Variants in LAMB2 observed in about 807,000 individuals in gnomAD.
LAMB2 encodes laminin subunit beta-2.
LAMB2 carries 119 observed loss-of-function variants against 202.7 expected under a neutral mutation model. The observed-to-expected ratio is 0.59, with a 90% CI of 0.51 to 0.68. The LOEUF (loss-of-function observed/expected upper bound fraction) is 0.68. Ranked by LOEUF, LAMB2 falls within the 30% of genes least tolerant of loss-of-function variation. The pLI, the probability that LAMB2 is intolerant of heterozygous loss-of-function variation, is 0.00. For missense variants in LAMB2, 2,124 were observed against 2,410.6 expected (o/e 0.88, Z 2.49); for synonymous variants, 818 against 902.2 (o/e 0.91, Z 1.67).
chr3:49,130,684 C>T lies in LAMB2; in HGVS notation c.1036+56G>A. 1 of 1,610,118 alleles carries T rather than the reference C, an allele frequency of 6.2e-7. No individual in the cohort carries two copies. Among genetic ancestry groups the T allele is most frequent in the Non-Finnish European group, 8.5e-7 (1 of 1,179,278 alleles). ...TGACCAACTAGCTCTAGGTTCTACCCAGGGCACAGCCAGGCTGCAGAGTGC... is the reference window on the plus strand; with the variant it reads ...TGACCAACTAGCTCTAGGTTCTACCTAGGGCACAGCCAGGCTGCAGAGTGC... On this transcript the variant is annotated intron_variant, in intron 8 of 31. Transcript: ENST00000305544. This position sits in a 1 kb window ranked among gnomAD's most constrained non-coding sequence, Gnocchi z 5.0.
In LAMB2 at chr3:49,123,870, G is replaced by C. The variant is rs773824078; in HGVS notation, c.3655C>G (p.Gln1219Glu). The C allele has an allele frequency of 8.7e-6, 14 of 1,613,448 alleles. No homozygotes were observed. The South Asian group carries it at 1.4e-4, about 16-fold the overall frequency. Residue 1219 changes from glutamine (Q) to glutamate (E), a missense_variant, in exon 24 of 32, where the codon CAA becomes GAA. This residue lies in a region of LAMB2 where 1,702 missense variants were observed against 1,896.3 expected (regional missense o/e 0.90). Transcript: ENST00000305544. Reference sequence around the variant, plus strand: ...AAGGCACCCAGCACACCCGTCTGTTGCAACTCCTGCGCCCGCTGCTCTAGG... The same window carrying C: ...AAGGCACCCAGCACACCCGTCTGTTCCAACTCCTGCGCCCGCTGCTCTAGG... The part of the protein sequence containing the change: ...QRLEQRAQEL[Q>E]QTGVLGAFES...
rs766351903 is a variant in LAMB2, at chr3:49,123,782, C to T, written c.3743G>A (p.Arg1248His). 16 of 1,613,328 alleles carry T rather than the reference C, an allele frequency of 9.9e-6. No homozygotes were observed. The highest frequency in any genetic ancestry group is 8.8e-5 in the South Asian group (8 of 91,084). ...LGIVQGIVGA[R>H]NTSAASTAQL... The stretch of plus-strand genomic sequence containing the variant: ...TGCAGTGGAGGCGGCTGAGGTGTTG[C>T]GGGCACCTACGATGCCCTGCACAAT... The change falls in exon 24 of 32, where the codon CGC becomes CAC. Residue 1248 changes from arginine to histidine, a missense_variant. Around this residue, in one of 3 missense-constraint regions of LAMB2, gnomAD observed 1,702 missense variants for 1,896.3 expected, o/e 0.90. Transcript: ENST00000305544.
Position 49,123,572 on chromosome 3 carries a change from ACAT to A in LAMB2, c.3854_3856del (p.Asp1285del). 6.2e-7 allele frequency: 1 copy of A among 1,614,208 alleles called. No individual in the cohort carries two copies. The highest frequency in any genetic ancestry group is 8.5e-7 in the Non-Finnish European group (1 of 1,180,044). The stretch of plus-strand genomic sequence containing the variant: ...GTTGGCATTGAAGTTCTCATCTTGC[ACAT>A]CTGTCAGGTCTGCCTCGAGCTGAGT... On this transcript the variant is annotated inframe_deletion, in exon 25 of 32. Coordinates refer to ENST00000305544, the MANE Select transcript of LAMB2 (RefSeq NM_002292.4).
rs1308318910 is a variant in LAMB2 at position 49,130,753 on chromosome 3, A to T, written c.1023T>A (p.Ser341Arg). The T allele has an allele frequency of 1.2e-6, 2 of 1,614,050 alleles. No homozygotes were observed. Among genetic ancestry groups the T allele is most frequent in the Non-Finnish European group, 1.7e-6 (2 of 1,180,018 alleles). The change falls in exon 8 of 32, where the codon AGT becomes AGA. Residue 341 changes from serine (S) to arginine (R), a missense_variant. By Grantham distance (110) the Ser-to-Arg change is moderately radical. This residue lies in a region of LAMB2 where 256 missense variants were observed against 356.1 expected (regional missense o/e 0.72). Transcript: ENST00000305544. This position sits in a 1 kb window ranked among gnomAD's most constrained non-coding sequence, Gnocchi z 5.0. ...LPWRPAEDGH[S>R]HACRKCECHG... ...GATCTCACTCACTCCTACAGGCATG[A>T]CTATGGCCGTCCTCAGCCGGACGCC...
chr3:49,122,797 C>T lies in LAMB2; in HGVS notation c.4480G>A (p.Ala1494Thr). ...ASEAQQRAQA[A>T]LDKANASRGQ... The stretch of plus-strand genomic sequence containing the variant: ...CTGGAAGCATTAGCCTTGTCCAGGG[C>T]TGCCTGGGCCCGCTGCTGTGCCTCG... The change falls in exon 27 of 32, where the codon GCC (alanine) becomes ACC (threonine). Residue 1494 changes from alanine (A) to threonine (T), a missense_variant. Transcript: ENST00000305544. 6.2e-7 allele frequency: 1 copy of T among 1,613,926 alleles called. No homozygotes were observed. Among genetic ancestry groups the T allele is most frequent in the Non-Finnish European group, 8.5e-7 (1 of 1,180,014 alleles).
Position 49,130,291 on chromosome 3 carries a change from A to T in LAMB2, c.1165T>A (p.Cys389Ser). The change falls in exon 9 of 32, where the codon TGT (cysteine) becomes AGT (serine). Residue 389 changes from cysteine to serine, a missense_variant. By Grantham distance (112) the Cys-to-Ser change is moderately radical. This residue lies in a region of LAMB2 where 1,702 missense variants were observed against 1,896.3 expected (regional missense o/e 0.90). Transcript: ENST00000305544. The surrounding 1 kb of genome is among the most constrained non-coding windows in gnomAD (Gnocchi z 5.0). ...GGGTCACGGTAGAAGAAGGGCCGACAGAGCTCACAGTGGCGCCCAGCTGTG... is the reference window on the plus strand; with the variant it reads ...GGGTCACGGTAGAAGAAGGGCCGACTGAGCTCACAGTGGCGCCCAGCTGTG... Reference protein sequence around the residue: ...HNTAGRHCELCRPFFYRDPTK... With the variant: ...HNTAGRHCELSRPFFYRDPTK... The T allele has an allele frequency of 6.2e-7, 1 of 1,614,224 alleles. No homozygotes were observed. Among genetic ancestry groups the T allele is most frequent in the South Asian group, 1.1e-5 (1 of 91,090 alleles).
At position 49,125,461 on chromosome 3, in the gene LAMB2, C is replaced by T; in HGVS notation, c.2512G>A (p.Ala838Thr). ...CQACQCSHEG[A>T]LSSLCEKTSG... ...GTCTTTTCACAGAGACTGCTGAGTG[C>T]CCCCTCGTGGCTGCACTGGCAGGCT... is the stretch of plus-strand genomic sequence containing the variant. Residue 838 changes from alanine (A) to threonine (T), a missense_variant, in exon 19 of 32, where the codon GCA (alanine) becomes ACA (threonine). Around this residue, in one of 3 missense-constraint regions of LAMB2, gnomAD observed 1,702 missense variants for 1,896.3 expected, o/e 0.90. Coordinates refer to ENST00000305544, the MANE Select transcript of LAMB2 (RefSeq NM_002292.4). The T allele has an allele frequency of 6.2e-7, 1 of 1,607,280 alleles. No homozygotes were observed. Among genetic ancestry groups the T allele is most frequent in the South Asian group, 1.1e-5 (1 of 90,422 alleles).
At position 49,123,363 on chromosome 3, in the gene LAMB2, G is replaced by T; in HGVS notation, c.3993C>A (p.Asp1331Glu). ...ACTGGCTATGGGCATGCCGGATGCT[G>T]TCATAGGCACCTAAATTGGGCAGAG... ...LKHSNFLGAYDSIRHAHSQSA... is the reference protein window; with the variant it reads ...LKHSNFLGAYESIRHAHSQSA... The change falls in exon 26 of 32, where the codon GAC becomes GAA. Residue 1331 changes from aspartate to glutamate, a missense_variant. Physicochemically the swap from Asp to Glu is conservative, Grantham distance 45. Around this residue, in one of 3 missense-constraint regions of LAMB2, gnomAD observed 1,702 missense variants for 1,896.3 expected, o/e 0.90. Coordinates refer to ENST00000305544, the MANE Select transcript of LAMB2 (RefSeq NM_002292.4). 1 of 1,614,030 alleles carries T rather than the reference G, an allele frequency of 6.2e-7. No individual in the cohort carries two copies. Among genetic ancestry groups the T allele is most frequent in the Non-Finnish European group, 8.5e-7 (1 of 1,180,016 alleles).
chr3:49,132,024 C>T lies in LAMB2; in HGVS notation c.459+92G>A. The T allele has an allele frequency of 3.2e-6, 4 of 1,253,432 alleles. No homozygotes were observed. The highest frequency in any genetic ancestry group is 1.5e-5 in the African/African-American group (1 of 67,940). The allele number at this position is 1,253,432 out of a possible 1,614,324, so 77.6% of individuals were successfully genotyped here. On this transcript the variant is annotated intron_variant, in intron 4 of 31. Transcript: ENST00000305544. The surrounding 1 kb of genome is among the most constrained non-coding windows in gnomAD (Gnocchi z 4.6). Reference sequence around the variant, plus strand: ...TGAAGGAGCCTCCTGCATCCATGCTCAAGGAGGCTGTGTTAAGGAGCTGAG... The same window carrying T: ...TGAAGGAGCCTCCTGCATCCATGCTTAAGGAGGCTGTGTTAAGGAGCTGAG...
chr3:49,132,902 C>T lies in LAMB2; in HGVS notation c.-35G>A, dbSNP rs757316654. The stretch of plus-strand genomic sequence containing the variant: ...GGGAACAGGGATAAGGGGAGGTGAA[C>T]GGTCTCGGGCCCGAGCCCTCCTCCT... On this transcript the variant is annotated 5_prime_UTR_variant, in exon 1 of 32. Coordinates refer to ENST00000305544, the MANE Select transcript of LAMB2 (RefSeq NM_002292.4). The surrounding 1 kb of genome is among the most constrained non-coding windows in gnomAD (Gnocchi z 4.6). 3 of 1,594,630 alleles carry T rather than the reference C, an allele frequency of 1.9e-6. No individual in the cohort carries two copies. The highest frequency in any genetic ancestry group is 2.6e-6 in the Non-Finnish European group (3 of 1,162,666).
chr3:49,132,694 A>G lies in LAMB2; in HGVS notation c.77-31T>C, dbSNP rs1575537830. The G allele has an allele frequency of 6.2e-7, 1 of 1,614,110 alleles. No homozygotes were observed. Reference sequence around the variant, plus strand: ...GACAGTAGCTCAGTCAGTTCCGCTGAGTTCCTATCCAGTGGCTCCACCTCA... The same window carrying G: ...GACAGTAGCTCAGTCAGTTCCGCTGGGTTCCTATCCAGTGGCTCCACCTCA... On this transcript the variant is annotated intron_variant, in intron 1 of 31. Coordinates refer to ENST00000305544, the MANE Select transcript of LAMB2 (RefSeq NM_002292.4). The surrounding 1 kb of genome is among the most constrained non-coding windows in gnomAD (Gnocchi z 4.6).
rs756114040 is a variant in LAMB2 at position 49,128,489 on chromosome 3, G to C, written c.1987C>G (p.Arg663Gly). Residue 663 changes from arginine to glycine, a missense_variant, in exon 15 of 32, where the codon CGC becomes GGC. Arg to Gly is a moderately radical substitution (Grantham distance 125). Transcript: ENST00000305544. The stretch of plus-strand genomic sequence containing the variant: ...TGTGGTTGCAGAGTCCCTTGGATGC[G>C]ATCATCCTTGGGCACCAAATGCCCA... ...LCGHLVPKDD[R>G]IQGTLQPHAR... 6.2e-7 allele frequency: 1 copy of C among 1,613,986 alleles called. No homozygotes were observed.
At position 49,128,704 on chromosome 3, in the gene LAMB2, G is replaced by C. The variant is rs779476385; in HGVS notation, c.1847C>G (p.Pro616Arg). The C allele has an allele frequency of 6.2e-7, 1 of 1,614,134 alleles. No homozygotes were observed. Among genetic ancestry groups the C allele is most frequent in the Non-Finnish European group, 8.5e-7 (1 of 1,180,028 alleles). ...CAGCAGGTCATAGTCCATAGCCTTCGGCACAGAGGCCACCAGGAACTCCAG... is the reference window on the plus strand; with the variant it reads ...CAGCAGGTCATAGTCCATAGCCTTCCGCACAGAGGCCACCAGGAACTCCAG... ...QTLEFLVASV[P>R]KAMDYDLLLR... is the part of the protein sequence containing the mutation. The change falls in exon 14 of 32, where the codon CCG becomes CGG. Residue 616 changes from proline to arginine, a missense_variant. Around this residue, in one of 3 missense-constraint regions of LAMB2, gnomAD observed 1,702 missense variants for 1,896.3 expected, o/e 0.90. Transcript: ENST00000305544.
Position 49,130,197 on chromosome 3 carries a change from A to G in LAMB2, c.1225+34T>C. The G allele has an allele frequency of 6.2e-7, 1 of 1,612,174 alleles. No homozygotes were observed. The highest frequency in any genetic ancestry group is 8.5e-7 in the Non-Finnish European group (1 of 1,179,004). ...GCTCTCTAGTTCCTGCCCCAGGCTC[A>G]GCTTTCTCTCCCCGTGCCCAATCCC... On this transcript the variant is annotated intron_variant, in intron 9 of 31. Coordinates refer to ENST00000305544, the MANE Select transcript of LAMB2 (RefSeq NM_002292.4). This position sits in a 1 kb window ranked among gnomAD's most constrained non-coding sequence, Gnocchi z 5.0.
At position 49,123,649 on chromosome 3, in the gene LAMB2, G is replaced by C. The variant is rs377738420; in HGVS notation, c.3798-18C>G. 7 of 1,613,998 alleles carry C rather than the reference G, an allele frequency of 4.3e-6. No homozygotes were observed. The highest frequency in any genetic ancestry group is 4.5e-5 in the East Asian group (2 of 44,880). On this transcript the variant is annotated intron_variant, in intron 24 of 31. Transcript: ENST00000305544. ...TTTCACGCCTGCAATGATGGAGAGGGGGGTGTTTAGAGAGGCTTCAGCCCT... is the reference window on the plus strand; with the variant it reads ...TTTCACGCCTGCAATGATGGAGAGGCGGGTGTTTAGAGAGGCTTCAGCCCT...
At position 49,124,834 on chromosome 3, in the gene LAMB2, A is replaced by G. The variant is rs1246892210; in HGVS notation, c.2976T>C (p.Ile992=). Residue 992 remains isoleucine, a synonymous_variant, in exon 21 of 32, where the codon ATT becomes ATC. Transcript: ENST00000305544. The part of the protein sequence containing the change: ...RCQLCECSGN[I]DPMDPDACDP... ...CACAGGCATCAGGATCCATTGGGTCAATGTTCCCACTGCACTCACACAGTT... is the reference window on the plus strand; with the variant it reads ...CACAGGCATCAGGATCCATTGGGTCGATGTTCCCACTGCACTCACACAGTT... 2 of 1,614,122 alleles carry G rather than the reference A, an allele frequency of 1.2e-6. No individual in the cohort carries two copies. The highest frequency in any genetic ancestry group is 1.7e-6 in the Non-Finnish European group (2 of 1,180,022).
chr3:49,128,954 C>T (rs1459897448), intron 13 of LAMB2, 66 bp downstream of exon 13: 12 of 1,602,172 alleles, frequency 7.5e-6, no homozygotes, highest in African/African-American at 1.3e-5. Flanking sequence ...TGCCCATAAC[C>T]CCACCTCTCC....
Position 49,122,704 on chromosome 3 carries a change from G to T in LAMB2, c.4573C>A (p.Gln1525Lys). Residue 1525 changes from glutamine to lysine, a missense_variant and splice_region_variant, in exon 27 of 32, where the codon CAG (glutamine) becomes AAG (lysine). This residue lies in a region of LAMB2 where 1,702 missense variants were observed against 1,896.3 expected (regional missense o/e 0.90). Transcript: ENST00000305544. ...LIQSVKDFLNQEGADPDSIEM... is the reference protein window; with the variant it reads ...LIQSVKDFLNKEGADPDSIEM... ...GGCCTGGGACACGTGGGAGGCTCAC[G>T]GTTGAGGAAGTCCTTCACACTCTGG... The T allele has an allele frequency of 6.2e-7, 1 of 1,613,010 alleles. No homozygotes were observed. The highest frequency in any genetic ancestry group is 1.1e-5 in the South Asian group (1 of 91,040).
In LAMB2 at chr3:49,122,711, G is replaced by A; in HGVS notation, c.4566C>T (p.Phe1522=). ...GACACGTGGGAGGCTCACGGTTGAG[G>A]AAGTCCTTCACACTCTGGATAAGTT... ...LQELIQSVKD[F]LNQEGADPDS... The change falls in exon 27 of 32, where the codon TTC becomes TTT. Residue 1522 remains phenylalanine (F), a synonymous_variant. Transcript: ENST00000305544. 1.9e-6 allele frequency: 3 copies of A among 1,613,640 alleles called. No homozygotes were observed. Among genetic ancestry groups the A allele is most frequent in the Non-Finnish European group, 2.5e-6 (3 of 1,179,550 alleles).
Sources: allele counts gnomAD v4.1 joint callset, GRCh38; gene constraint gnomAD v4.1.1; regional missense constraint gnomAD v4.1.1; non-coding constraint Gnocchi (gnomAD v3.1); transcripts MANE v1.5; gene names NCBI Gene and HGNC (gene_info 2026-07-23, HGNC 2026-07-21).